KANK1: variants seen among roughly 807,000 people sequenced by gnomAD.
KANK1 encodes the protein KN motif and ankyrin repeat domains 1, also known as KN motif and ankyrin repeat domain-containing protein 1.
Under a neutral mutation model 106.2 loss-of-function variants are expected in KANK1, and 109 were observed. The observed-to-expected ratio is 1.03, with a 90% CI of 0.88 to 1.20. The LOEUF (loss-of-function observed/expected upper bound fraction) is 1.20. Among genes scored for constraint, KANK1 ranks in the 50% most tolerant of loss-of-function variants. KANK1 has a pLI of 0.00. For missense variants in KANK1, 2,399 were observed against 1,710.7 expected, an observed-to-expected ratio of 1.40 and a Z score of -7.10; for synonymous variants, 873 against 652.2, an observed-to-expected ratio of 1.34 and a Z score of -5.16.
intron 1 of KANK1, among the ~76,000 whole-genome samples, chr9:664,259 T>G (rs1222296343): frequency 2.0e-5 from 3 of 152,134 alleles, no homozygotes; most frequent in African/African-American, 7.2e-5. Flanking sequence ...TAACCACTAG[T>G]CTACTCTCTA....
At chr9:700,423 C>G (rs979557820) in intron 2 of KANK1, among the ~76,000 whole-genome samples, 12 of 152,172 alleles carry the variant, frequency 7.9e-5, no homozygotes, top group Non-Finnish European at 1.0e-4. Flanking sequence ...TGTTGTACTT[C>G]GCTGTCTTCT....
intron 1 of KANK1, among the ~76,000 whole-genome samples, chr9:515,380 A>G (rs1242267937): frequency 6.6e-6 from 1 of 151,426 alleles, no homozygotes; most frequent in Non-Finnish European, 1.5e-5. Context: ...CAGTTAAAGA[A>G]TTCATCTAGA....
At chr9:727,531 G>A (rs1330328853) in intron 3 of KANK1, among the ~76,000 whole-genome samples, 1 of 152,006 alleles carries the variant, frequency 6.6e-6, no homozygotes, top group African/African-American at 2.4e-5. Context: ...GGCCAGGCTG[G>A]TCTCAAACTC....
chr9:604,802 C>T (rs1165837398), intron 1 of KANK1, among the ~76,000 whole-genome samples: 1 of 151,832 alleles, frequency 6.6e-6, no homozygotes, highest in African/African-American at 2.4e-5. Flanking sequence ...TGCACTTCAG[C>T]CTGTGTAACA....
chr9:718,834 C>T (rs1828481666), intron 3 of KANK1, among the ~76,000 whole-genome samples: 3 of 152,074 alleles, frequency 2.0e-5, no homozygotes, highest in South Asian at 4.1e-4. Context: ...ATCAAAGCTA[C>T]ATGCTTTTCC....
intron 2 of KANK1, among the ~76,000 whole-genome samples, chr9:697,518 C>G (rs1821612144): frequency 6.6e-6 from 1 of 152,114 alleles, no homozygotes; most frequent in African/African-American, 2.4e-5. Flanking sequence ...GTGAGATATT[C>G]TGAGACGACA....
At chr9:641,077 C>T (rs146585553) in intron 1 of KANK1, among the ~76,000 whole-genome samples, 1 of 152,244 alleles carries the variant, frequency 6.6e-6, no homozygotes, top group African/African-American at 2.4e-5. Flanking sequence ...TAGATGCTGC[C>T]AAGAGCCATG....
At chr9:596,171 C>T (rs913502568) in intron 1 of KANK1, among the ~76,000 whole-genome samples, 2 of 151,822 alleles carry the variant, frequency 1.3e-5, no homozygotes, top group African/African-American at 2.4e-5. Flanking sequence ...GTGAAATTTC[C>T]ACTTTTGGTG....
chr9:503,512 C>T (rs2058605816), upstream of KANK1, among the ~76,000 whole-genome samples: 1 of 152,190 alleles, frequency 6.6e-6, no homozygotes, highest in East Asian at 1.9e-4. Flanking sequence ...GTCTTCTCCC[C>T]AGAGGCAAGC....
chr9:631,585 T>C (rs945274517), intron 1 of KANK1, among the ~76,000 whole-genome samples: 1 of 152,174 alleles, frequency 6.6e-6, no homozygotes, highest in African/African-American at 2.4e-5. Context: ...GTCGTTTTCC[T>C]CATCTCAGCC....
chr9:672,347 G>T (rs1001149674), intron 1 of KANK1, among the ~76,000 whole-genome samples: 4 of 152,194 alleles, frequency 2.6e-5, no homozygotes, highest in Non-Finnish European at 5.9e-5. Context: ...AATTGCATCA[G>T]TGGTAAGGTA....
intron 3 of KANK1, among the ~76,000 whole-genome samples, chr9:481,403 C>T (rs1170141686): frequency 1.3e-5 from 2 of 152,150 alleles, no homozygotes; most frequent in African/African-American, 4.8e-5. Context: ...ACTAGCAAAT[C>T]CTTAAGCCTT....
At chr9:671,312 A>G (rs1845847777) in intron 1 of KANK1, among the ~76,000 whole-genome samples, 1 of 151,884 alleles carries the variant, frequency 6.6e-6, no homozygotes, top group African/African-American at 2.4e-5. Context: ...AACAAGGTTG[A>G]TAATCAAGCC....
chr9:512,949 A>G (rs906931347), intron 1 of KANK1, among the ~76,000 whole-genome samples: 1 of 152,310 alleles, frequency 6.6e-6, no homozygotes, highest in East Asian at 1.9e-4. Flanking sequence ...TTTAAAATAA[A>G]GCAGTCCATT....
intron 1 of KANK1, among the ~76,000 whole-genome samples, chr9:516,661 A>G (rs1267029176): frequency 6.6e-6 from 1 of 151,586 alleles, no homozygotes; most frequent in Non-Finnish European, 1.5e-5. Flanking sequence ...GGCTTGAGGA[A>G]TAGCAAGGCC....
At chr9:728,279 A>C (rs988546014) in intron 3 of KANK1, among the ~76,000 whole-genome samples, 1 of 149,462 alleles carries the variant, frequency 6.7e-6, no homozygotes, top group Admixed American at 6.6e-5. Flanking sequence ...AGGCACTACA[A>C]CCTCCACCTC....
intron 2 of KANK1, chr9:684,353 G>C: frequency 3.0e-6 from 3 of 985,402 alleles, no homozygotes; most frequent in Non-Finnish European, 3.6e-6. Flanking sequence ...GAAACCCTTT[G>C]GTTGGGGATT....
chr9:581,343 C>T (rs1337391447), intron 1 of KANK1, among the ~76,000 whole-genome samples: 2 of 152,214 alleles, frequency 1.3e-5, no homozygotes, highest in Non-Finnish European at 2.9e-5. Flanking sequence ...CTTTACATGG[C>T]ATTGGTGGCA....
chr9:702,447 C>T (rs544309682), intron 2 of KANK1, among the ~76,000 whole-genome samples: 27 of 152,232 alleles, frequency 1.8e-4, no homozygotes, highest in African/African-American at 6.3e-4. Flanking sequence ...GTGCCCCCAG[C>T]TCCGAGAACA....
Sources: allele counts gnomAD v4.1 joint callset (sites outside exome capture counted in the v4.1 genomes callset), GRCh38; gene constraint gnomAD v4.1.1; transcripts MANE v1.5; gene names NCBI Gene and HGNC (gene_info 2026-07-23, HGNC 2026-07-21).